Variants in AGPS observed in about 807,000 individuals in gnomAD.
The protein encoded by AGPS is alkyldihydroxyacetonephosphate synthase, peroxisomal.
In AGPS, 26 loss-of-function variants were observed where a neutral mutation model predicts 90.7. The ratio of observed to expected loss-of-function variants is 0.29; its 90% CI spans 0.21 to 0.40. The LOEUF is 0.40. Ranked by LOEUF, AGPS falls within the 10% of genes least tolerant of loss-of-function variation. The pLI, the probability that AGPS is intolerant of heterozygous loss-of-function variation, is 1.00. For synonymous variants in AGPS, 294 were observed against 285.3 expected (o/e 1.03, Z -0.31); for missense variants, 540 against 816.1 (o/e 0.66, Z 4.12).
At chr2:177,400,029 G>A (rs997686582) in intron 1 of AGPS, among the ~76,000 whole-genome samples, 2 of 152,022 alleles carry the variant, frequency 1.3e-5, no homozygotes, top group Non-Finnish European at 2.9e-5. Flanking sequence ...GTTACTTTTG[G>A]TCCGAATAAT....
intron 8 of AGPS, among the ~76,000 whole-genome samples, chr2:177,449,486 G>C (rs1468052952): frequency 6.6e-6 from 1 of 152,166 alleles, no homozygotes. Flanking sequence ...GCAGTGGCAC[G>C]ATCATGGCTC....
chr2:177,541,987 G>A lies in AGPS; in HGVS notation c.*3792G>A, dbSNP rs536777692. The A allele has an allele frequency of 2.6e-4, 39 of 152,190 alleles. No homozygotes were observed. The highest frequency in any genetic ancestry group is 9.1e-4 in the African/African-American group (38 of 41,554). 9.4% of individuals were successfully genotyped at this position (152,190 alleles called of 1,614,324 possible). On this transcript the variant is annotated 3_prime_UTR_variant, in exon 20 of 20. Coordinates refer to ENST00000264167, the MANE Select transcript of AGPS (RefSeq NM_003659.4). ...TGAAATTTAACTGTAAAAACTACTT[G>A]TAATGTCAAGAGATTATAGATCATA...
chr2:177,519,867 A>G (rs1302086438), intron 17 of AGPS, among the ~76,000 whole-genome samples: 1 of 152,214 alleles, frequency 6.6e-6, no homozygotes, highest in Non-Finnish European at 1.5e-5. Flanking sequence ...GAATAAAAGA[A>G]TGACTACTCC....
chr2:177,531,257 A>G (rs1255391192), intron 19 of AGPS, among the ~76,000 whole-genome samples: 1 of 152,200 alleles, frequency 6.6e-6, no homozygotes, highest in African/African-American at 2.4e-5. Context: ...ATTATTGACT[A>G]TATAGAAAAT....
chr2:177,508,191 C>T (rs766457620), intron 16 of AGPS, among the ~76,000 whole-genome samples, 160 bp downstream of exon 16: 1 of 152,026 alleles, frequency 6.6e-6, no homozygotes, highest in Non-Finnish European at 1.5e-5. Context: ...ATCAGAATGC[C>T]GTATTTTCAA....
intron 2 of AGPS, among the ~76,000 whole-genome samples, chr2:177,422,635 C>T (rs57819557): frequency 1.1e-3 from 167 of 152,234 alleles, no homozygotes; most frequent in African/African-American, 3.6e-3. Context: ...ATTCCCCAAA[C>T]GTATAAATGG....
chr2:177,496,740 A>C (rs1377520056), intron 12 of AGPS, among the ~76,000 whole-genome samples: 2 of 152,118 alleles, frequency 1.3e-5, no homozygotes, highest in East Asian at 3.8e-4. Context: ...GATTCTTATA[A>C]AAAATGGATA....
chr2:177,393,129 G>A (rs762779599), intron 1 of AGPS, 80 bp downstream of exon 1: 42 of 1,549,594 alleles, frequency 2.7e-5, no homozygotes, highest in East Asian at 9.8e-5. Context: ...GGCGAGGTGG[G>A]AAGGGAAGTG....
intron 1 of AGPS, among the ~76,000 whole-genome samples, chr2:177,419,453 T>C (rs1252416207): frequency 6.6e-6 from 1 of 151,834 alleles, no homozygotes; most frequent in Non-Finnish European, 1.5e-5. Context: ...TGCCAAAACA[T>C]GTAATAAAAA....
chr2:177,473,982 T>C (rs1687701372), intron 10 of AGPS, among the ~76,000 whole-genome samples: 1 of 152,252 alleles, frequency 6.6e-6, no homozygotes, highest in Non-Finnish European at 1.5e-5. Flanking sequence ...TATGAAGCAA[T>C]ATACAGAAAT....
At chr2:177,537,788 T>A (rs1267838216) in intron 19 of AGPS, among the ~76,000 whole-genome samples, 1 of 152,106 alleles carries the variant, frequency 6.6e-6, no homozygotes, top group Non-Finnish European at 1.5e-5. Context: ...TTTTCTCATT[T>A]TGTTATTTGT....
At chr2:177,524,256 A>C (rs2079060385) in intron 19 of AGPS, among the ~76,000 whole-genome samples, 1 of 152,230 alleles carries the variant, frequency 6.6e-6, no homozygotes, top group Non-Finnish European at 1.5e-5. Context: ...ACAGGATATG[A>C]GAAAAATCTT....
intron 1 of AGPS, among the ~76,000 whole-genome samples, chr2:177,416,549 G>A (rs1448503972): frequency 2.0e-5 from 3 of 151,650 alleles, no homozygotes; most frequent in Admixed American, 6.6e-5. Context: ...TTTTTGAGAC[G>A]GAGTCTTGTT....
In AGPS at chr2:177,540,710, G is replaced by A. The variant is rs1321404392; in HGVS notation, c.*2515G>A. On this transcript the variant is annotated 3_prime_UTR_variant, in exon 20 of 20. Coordinates refer to ENST00000264167, the MANE Select transcript of AGPS (RefSeq NM_003659.4). ...AAACTTGTTGCCTATTTGGTTTTCA[G>A]TACTGCATAACACTGACTTTCTTAA... 6.6e-6 allele frequency: 1 copy of A among 151,940 alleles called. No homozygotes were observed. The highest frequency in any genetic ancestry group is 1.5e-5 in the Non-Finnish European group (1 of 67,932). The allele number at this position is 151,940 out of a possible 1,614,324, so 9.4% of individuals were successfully genotyped here. A position where few individuals can be genotyped will look rare whatever the true frequency, so the allele number is the denominator to read the frequency against.
At chr2:177,528,058 T>C (rs1175452722) in intron 19 of AGPS, among the ~76,000 whole-genome samples, 1 of 152,230 alleles carries the variant, frequency 6.6e-6, no homozygotes, top group Non-Finnish European at 1.5e-5. Flanking sequence ...AATTGCTAAA[T>C]ATTGGAGTCT....
chr2:177,511,375 G>A (rs138844693), intron 16 of AGPS, among the ~76,000 whole-genome samples: 3 of 152,184 alleles, frequency 2.0e-5, no homozygotes, highest in African/African-American at 7.2e-5. Context: ...TGAGATTACA[G>A]GCATGAGCCA....
chr2:177,418,540 C>T (rs902478998), intron 1 of AGPS, among the ~76,000 whole-genome samples: 13 of 151,776 alleles, frequency 8.6e-5, no homozygotes, highest in African/African-American at 3.1e-4. Flanking sequence ...TTGTAGAGAA[C>T]AGAATTATAA....
At chr2:177,534,168 CG>C (rs1489448726) in intron 19 of AGPS, among the ~76,000 whole-genome samples, 5 of 152,160 alleles carry the variant, frequency 3.3e-5, no homozygotes, top group Non-Finnish European at 5.9e-5. Context: ...ATCTTCAATC[CG>C]TTAAGCCTCA....
rs115613163 is a variant in AGPS, at chr2:177,431,735, G to A, written c.351-2592G>A. Among the ~76,000 whole-genome samples, 398 of 152,162 alleles carry A rather than the reference G, an allele frequency of 2.6e-3. 5 individuals are homozygous for A. The highest frequency in any genetic ancestry group is 9.1e-3 in the African/African-American group (376 of 41,528). On this transcript the variant is annotated intron_variant, in intron 2 of 19. Coordinates refer to ENST00000264167, the MANE Select transcript of AGPS (RefSeq NM_003659.4). ...ATATGGCTCTATTGTGCCTGACCCC[G>A]CAGGCAGTCAGACCTTTGGTTGTGT...
Sources: gnomAD v4.1 joint callset for allele counts (sites outside exome capture counted in the v4.1 genomes callset) on GRCh38, gnomAD v4.1.1 for gene constraint, MANE v1.5 for transcripts, NCBI Gene and HGNC (gene_info 2026-07-23, HGNC 2026-07-21) for gene names.